TBX15: variants seen among roughly 807,000 people sequenced by gnomAD.
TBX15 encodes the protein T-box transcription factor TBX15.
In TBX15, 18 loss-of-function variants were observed where a neutral mutation model predicts 53.9. That is an observed-to-expected ratio of 0.33 (90% CI 0.23 to 0.49). TBX15 has a LOEUF of 0.49. Ranked by LOEUF, TBX15 falls within the 20% of genes least tolerant of loss-of-function variation. The probability of loss-of-function intolerance (pLI) is 0.98; values close to 1 mark genes in which losing one functional copy is unlikely to be tolerated. For synonymous variants in TBX15, 295 were observed against 278.0 expected, an observed-to-expected ratio of 1.06 and a Z score of -0.61; for missense variants, 692 against 749.5, an observed-to-expected ratio of 0.92 and a Z score of 0.90.
intron 1 of TBX15, among the ~76,000 whole-genome samples, chr1:118,954,608 C>T (rs1213781123): frequency 6.6e-6 from 1 of 152,230 alleles, no homozygotes; most frequent in Non-Finnish European, 1.5e-5. Context: ...GCTCCAACTC[C>T]TGATTAACCA....
At chr1:118,893,781 G>A (rs892087067) in intron 7 of TBX15, among the ~76,000 whole-genome samples, 3 of 152,038 alleles carry the variant, frequency 2.0e-5, no homozygotes, top group Non-Finnish European at 4.4e-5. Context: ...TCTGGTTAAT[G>A]TTTGCCAAAC....
Position 118,885,475 on chromosome 1 carries a change from T to C in TBX15, c.1066A>G (p.Thr356Ala). Residue 356 changes from threonine to alanine, a missense_variant, in exon 8 of 8, where the codon ACA becomes GCA. Physicochemically the swap from Thr to Ala is moderately conservative, Grantham distance 58. Coordinates refer to ENST00000369429, the MANE Select transcript of TBX15 (RefSeq NM_001330677.2). ...GTSPTTSSTG[T>A]PSPSASSHLL... ...TGAGAAGAAGCCGAAGGGGATGGTGTCCCAGTGCTGGAGGTGGTTGGGGAA... is the reference window on the plus strand; with the variant it reads ...TGAGAAGAAGCCGAAGGGGATGGTGCCCCAGTGCTGGAGGTGGTTGGGGAA... 1 of 1,604,862 alleles carries C rather than the reference T, an allele frequency of 6.2e-7. No homozygotes were observed. Among genetic ancestry groups the C allele is most frequent in the Non-Finnish European group, 8.5e-7 (1 of 1,174,968 alleles).
chr1:118,887,320 A>G (rs1456498927), intron 7 of TBX15, among the ~76,000 whole-genome samples: 1 of 152,182 alleles, frequency 6.6e-6, no homozygotes, highest in Non-Finnish European at 1.5e-5. Context: ...TAAAAGGGTA[A>G]AGGGCACTTT....
chr1:118,904,262 A>T (rs919901370), intron 6 of TBX15, among the ~76,000 whole-genome samples: 23 of 152,160 alleles, frequency 1.5e-4, no homozygotes, highest in African/African-American at 5.5e-4. Flanking sequence ...CTGTTCCTTC[A>T]GATATAATTA....
intron 7 of TBX15, among the ~76,000 whole-genome samples, chr1:118,894,666 G>C (rs1047595004): frequency 2.3e-4 from 35 of 152,236 alleles, no homozygotes; most frequent in Middle Eastern, 3.4e-3. Context: ...TTGAGCATGG[G>C]GGTAGGGCAG....
intron 1 of TBX15, among the ~76,000 whole-genome samples, chr1:118,956,929 C>T (rs921737188): frequency 6.6e-6 from 1 of 150,538 alleles, no homozygotes; most frequent in Non-Finnish European, 1.5e-5. Flanking sequence ...CACCACTGCA[C>T]TCCAGCCTGG....
chr1:118,951,169 C>T (rs1656498990), intron 1 of TBX15, among the ~76,000 whole-genome samples: 1 of 152,196 alleles, frequency 6.6e-6, no homozygotes, highest in Non-Finnish European at 1.5e-5. Context: ...AAATAAATTT[C>T]CTTGACAGGA....
At chr1:118,895,089 T>C (rs762293701) in intron 7 of TBX15, among the ~76,000 whole-genome samples, 5 of 152,210 alleles carry the variant, frequency 3.3e-5, no homozygotes, top group Non-Finnish European at 7.4e-5. Context: ...ATCTTACTTG[T>C]ATGACTTGAT....
intron 6 of TBX15, among the ~76,000 whole-genome samples, chr1:118,906,742 A>T (rs1654844041): frequency 1.3e-5 from 2 of 152,206 alleles, no homozygotes; most frequent in African/African-American, 4.8e-5. Flanking sequence ...GAGTGGCACC[A>T]GTCTTAGATC....
chr1:118,959,047 AGAGAGAGT>A (rs1656782628), intron 1 of TBX15, among the ~76,000 whole-genome samples: 3 of 151,574 alleles, frequency 2.0e-5, no homozygotes, highest in Non-Finnish European at 4.4e-5. Context: ...AGAGAGAGAG[AGAGAGAGT>A]ATGTGTGTGT....
chr1:118,894,408 G>A (rs1438062157), intron 7 of TBX15, among the ~76,000 whole-genome samples: 1 of 152,162 alleles, frequency 6.6e-6, no homozygotes, highest in Non-Finnish European at 1.5e-5. Flanking sequence ...TAAGGAATAT[G>A]TCTTTCATAG....
At chr1:118,898,516 G>C (rs905271029) in intron 7 of TBX15, among the ~76,000 whole-genome samples, 9 of 152,092 alleles carry the variant, frequency 5.9e-5, no homozygotes, top group Non-Finnish European at 1.5e-5. Flanking sequence ...TGAGAGGGGT[G>C]TTGTTTTATA....
In TBX15 at chr1:118,931,036, C is replaced by T. The variant is rs1057356021; in HGVS notation, c.419+583G>A. Among the ~76,000 whole-genome samples the T allele has an allele frequency of 4.6e-5, 7 of 152,306 alleles. No individual in the cohort carries two copies. The East Asian group carries it at 1.4e-3, about 29-fold the overall frequency. ...ACATACCAATAAAGGAGTAGCTTAA[C>T]TAAAAGTGTCTATATCAAGAGAAGC... On this transcript the variant is annotated intron_variant, in intron 2 of 7. Transcript: ENST00000369429.
intron 5 of TBX15, among the ~76,000 whole-genome samples, chr1:118,920,938 G>A (rs372260895): frequency 6.6e-6 from 1 of 152,246 alleles, no homozygotes; most frequent in South Asian, 2.1e-4. Context: ...ACTTTGGGAG[G>A]CCGAGGTGGG....
chr1:118,896,265 C>T (rs1324515537), intron 7 of TBX15, among the ~76,000 whole-genome samples: 1 of 152,146 alleles, frequency 6.6e-6, no homozygotes, highest in Admixed American at 6.5e-5. Flanking sequence ...GAATCTCATG[C>T]ATTCTTCTCC....
chr1:118,981,004 T>C (rs1334689508), intron 1 of TBX15, among the ~76,000 whole-genome samples: 1 of 152,102 alleles, frequency 6.6e-6, no homozygotes. Context: ...GGCTAAAATT[T>C]GTATTTTTAG....
chr1:118,926,111 T>C (rs1005474085), intron 3 of TBX15, among the ~76,000 whole-genome samples: 3 of 152,202 alleles, frequency 2.0e-5, no homozygotes, highest in African/African-American at 7.2e-5. Flanking sequence ...TATGGGGCGA[T>C]CCATCAAATA....
chr1:118,884,620 A>AAC lies in TBX15; in HGVS notation c.*111_*112insGT. The stretch of plus-strand genomic sequence containing the variant: ...TCTTCGGCCAGAAAAAAAAAAAAAA[A>AAC]AAAAACACGGTTCCTGTTTTTCAAA... On this transcript the variant is annotated 3_prime_UTR_variant, in exon 8 of 8. Coordinates refer to ENST00000369429, the MANE Select transcript of TBX15 (RefSeq NM_001330677.2). 3 of 1,361,650 alleles carry AAC rather than the reference A, an allele frequency of 2.2e-6. No individual in the cohort carries two copies. The highest frequency in any genetic ancestry group is 3.0e-6 in the Non-Finnish European group (3 of 999,984). 84.3% of individuals were successfully genotyped at this position (1,361,650 alleles called of 1,614,324 possible).
chr1:118,962,951 A>G lies in TBX15; in HGVS notation c.205+24640T>C, dbSNP rs563211566. Among the ~76,000 whole-genome samples the G allele has an allele frequency of 2.6e-5, 4 of 152,354 alleles. No homozygotes were observed. In the East Asian group the frequency reaches 7.7e-4, roughly 29 times the overall value. On this transcript the variant is annotated intron_variant, in intron 1 of 7. Transcript: ENST00000369429. The stretch of plus-strand genomic sequence containing the variant: ...TTCCATTAAAACTAAAACTTTCTAG[A>G]AAAGGGAAGAATGAAACTTTTAAGG...
Sources: gnomAD v4.1 joint callset for allele counts (sites outside exome capture counted in the v4.1 genomes callset) on GRCh38, gnomAD v4.1.1 for gene constraint, MANE v1.5 for transcripts, NCBI Gene and HGNC (gene_info 2026-07-23, HGNC 2026-07-21) for gene names.